GFAP: variants seen among roughly 807,000 people sequenced by gnomAD.
GFAP encodes intermediate filament protein.
Under a neutral mutation model 49.3 loss-of-function variants are expected in GFAP, and 38 were observed. The observed-to-expected ratio is 0.77, with a 90% CI of 0.60 to 1.01. The LOEUF (loss-of-function observed/expected upper bound fraction) is 1.01, where lower values mean the gene tolerates loss of function less well. GFAP is among the 50% of genes least tolerant of loss of function. GFAP has a pLI of 0.00. For missense variants in GFAP, 463 were observed against 579.1 expected, an observed-to-expected ratio of 0.80 and a Z score of 2.06; for synonymous variants, 222 against 236.4, an observed-to-expected ratio of 0.94 and a Z score of 0.56.
At chr17:44,914,708 C>T in intron 1 of GFAP, 1 of 430,816 alleles carries the variant, frequency 2.3e-6, no homozygotes, top group East Asian at 4.7e-5. Flanking sequence ...TAGGTGAGCT[C>T]GCTGCCCACA....
At chr17:44,909,921 C>T (rs1206884582) in intron 7 of GFAP, 2 of 1,414,772 alleles carry the variant, frequency 1.4e-6, no homozygotes, top group South Asian at 1.5e-5. Context: ...CCCAAGGACT[C>T]ACCACCTTTA....
chr17:44,907,706 G>T, intron 8 of GFAP: 1 of 556,582 alleles, frequency 1.8e-6, no homozygotes. Context: ...AGCTGGAAAT[G>T]GAAAGCCCTC....
At chr17:44,911,901 G>T in intron 4 of GFAP, 104 bp from the exon 5 acceptor site, 1 of 1,370,526 alleles carries the variant, frequency 7.3e-7, no homozygotes, top group Non-Finnish European at 1.0e-6. Flanking sequence ...CAGGACGTTG[G>T]CCCTGGCTGG....
chr17:44,910,794 TCCCCAGCAGCCAACG>T, intron 6 of GFAP, 136 bp from the exon 7 acceptor site: 1 of 1,319,864 alleles, frequency 7.6e-7, no homozygotes, highest in Non-Finnish European at 1.0e-6. Flanking sequence ...CCTAGCTTTT[TCCCCAGCAGCCAACG>T]TGCTATCTGG....
In GFAP at chr17:44,913,753, C is replaced by T. The variant is rs148887665; in HGVS notation, c.593G>A (p.Arg198Gln). The change falls in exon 3 of 9, where the codon CGG (arginine) becomes CAG (glutamine). Residue 198 changes from arginine (R) to glutamine (Q), a missense_variant. Physicochemically the swap from Arg to Gln is conservative, Grantham distance 43. Coordinates refer to ENST00000588735, the MANE Select transcript of GFAP (RefSeq NM_002055.5). ...RKIESLEEEI[R>Q]FLRKIHEEEV... Reference sequence around the variant, plus strand: ...CTCCTCGTGGATCTTCCTCAAGAACCGGATCTCCTCCTCCAGCGACTCAAT... The same window carrying T: ...CTCCTCGTGGATCTTCCTCAAGAACTGGATCTCCTCCTCCAGCGACTCAAT... 27 of 1,613,914 alleles carry T rather than the reference C, an allele frequency of 1.7e-5. No homozygotes were observed. The highest frequency in any genetic ancestry group is 5.3e-5 in the African/African-American group (4 of 74,932).
Position 44,911,397 on chromosome 17 carries a change from G to A in GFAP, c.966C>T (p.Ala322=). ...EQEERHVREA[A]SYQEALARLE... is the part of the protein sequence containing the mutation. ...GCCGCGCCAGCGCCTCCTGATAACTGGCCGCCTCCCGCACGTGCCGCTCCT... is the reference window on the plus strand; with the variant it reads ...GCCGCGCCAGCGCCTCCTGATAACTAGCCGCCTCCCGCACGTGCCGCTCCT... The change falls in exon 6 of 9, where the codon GCC becomes GCT. Residue 322 remains alanine, a synonymous_variant. Coordinates refer to ENST00000588735, the MANE Select transcript of GFAP (RefSeq NM_002055.5). 1 of 1,613,796 alleles carries A rather than the reference G, an allele frequency of 6.2e-7. No individual in the cohort carries two copies. Among genetic ancestry groups the A allele is most frequent in the Non-Finnish European group, 8.5e-7 (1 of 1,179,938 alleles).
chr17:44,908,501 A>G (rs28688440), intron 7 of GFAP: 24,053 of 181,044 alleles, frequency 0.13, 1,734 homozygotes, highest in Middle Eastern at 0.19. Context: ...AGGCTGAGGC[A>G]GGTGGATCAC....
In GFAP at chr17:44,910,117, G is replaced by A. The variant is rs770687101; in HGVS notation, c.1171+498C>T. On this transcript the variant is annotated intron_variant, in intron 7 of 8. Transcript: ENST00000588735. ...TCCCTGTCAAGCTGGGCAAAGCGCC[G>A]TGTCTGAGAGGCAGGCAGCTAACCG... 10 of 1,613,802 alleles carry A rather than the reference G, an allele frequency of 6.2e-6. No individual in the cohort carries two copies. In the African/African-American group the frequency reaches 6.7e-5, roughly 11 times the overall value.
chr17:44,914,842 G>A lies in GFAP; in HGVS notation c.461+184C>T, dbSNP rs888737112. The A allele has an allele frequency of 4.7e-5, 29 of 613,402 alleles. No individual in the cohort carries two copies. The African/African-American group carries it at 4.8e-4, about 10-fold the overall frequency. The allele number at this position is 613,402 out of a possible 1,614,324, so 38.0% of individuals were successfully genotyped here. A position where few individuals can be genotyped will look rare whatever the true frequency, so the allele number is the denominator to read the frequency against. On this transcript the variant is annotated intron_variant, in intron 1 of 8. Coordinates refer to ENST00000588735, the MANE Select transcript of GFAP (RefSeq NM_002055.5). ...GAAGGCATGCGGGCATCAGATCCCCGGGGCCCTGGGCCTGTTTCTGGTCCC... is the reference window on the plus strand; with the variant it reads ...GAAGGCATGCGGGCATCAGATCCCCAGGGCCCTGGGCCTGTTTCTGGTCCC...
In GFAP at chr17:44,904,991, A is replaced by G. The variant is rs1223110365; in HGVS notation, c.*2356T>C. The stretch of plus-strand genomic sequence containing the variant: ...GCTCACCCTGATAGGCTACCTGCTC[A>G]TCACAGCAGTCTTTGTCACCATTCA... On this transcript the variant is annotated 3_prime_UTR_variant, in exon 9 of 9. Coordinates refer to ENST00000588735, the MANE Select transcript of GFAP (RefSeq NM_002055.5). The G allele has an allele frequency of 3.2e-6, 5 of 1,550,700 alleles. No individual in the cohort carries two copies. Among genetic ancestry groups the G allele is most frequent in the Admixed American group, 2.0e-5 (1 of 50,984 alleles).
Position 44,904,460 on chromosome 17 carries a change from G to T in GFAP, c.*2887C>A. The T allele has an allele frequency of 6.5e-7, 1 of 1,544,356 alleles. No homozygotes were observed. Among genetic ancestry groups the T allele is most frequent in the South Asian group, 1.2e-5 (1 of 83,732 alleles). ...ACGCTACCTCAAGGCCGTGCCCGATGTGGTGTCTTGTGGCTCAAGGGCTGT... is the reference window on the plus strand; with the variant it reads ...ACGCTACCTCAAGGCCGTGCCCGATTTGGTGTCTTGTGGCTCAAGGGCTGT... On this transcript the variant is annotated 3_prime_UTR_variant, in exon 9 of 9. Coordinates refer to ENST00000588735, the MANE Select transcript of GFAP (RefSeq NM_002055.5).
chr17:44,908,898 AAAGG>A (rs200398557), intron 7 of GFAP: 12,603 of 150,554 alleles, frequency 0.084, 754 homozygotes, highest in East Asian at 0.24. Flanking sequence ...CAGGAAAGAG[AAAGG>A]AAGGAAGGAA....
In GFAP at chr17:44,904,582, G is replaced by A. The variant is rs1471101292; in HGVS notation, c.*2765C>T. The A allele has an allele frequency of 3.2e-6, 5 of 1,550,482 alleles. No individual in the cohort carries two copies. The highest frequency in any genetic ancestry group is 4.4e-6 in the Non-Finnish European group (5 of 1,147,008). ...GTGAGAAGACAAAGACCATCCGGGAGGGCGTGCTGGCCATCATTAACTATG... is the reference window on the plus strand; with the variant it reads ...GTGAGAAGACAAAGACCATCCGGGAAGGCGTGCTGGCCATCATTAACTATG... On this transcript the variant is annotated 3_prime_UTR_variant, in exon 9 of 9. Transcript: ENST00000588735.
At chr17:44,911,098 G>A (rs1446143285) in intron 6 of GFAP, 138 bp downstream of exon 6, 9 of 770,980 alleles carry the variant, frequency 1.2e-5, no homozygotes, top group Non-Finnish European at 2.1e-5. Context: ...TATGTGTGAG[G>A]CAGGCACTGT....
intron 1 of GFAP, chr17:44,914,763 C>G (rs2051867362): frequency 1.8e-6 from 1 of 552,522 alleles, no homozygotes; most frequent in Non-Finnish European, 3.3e-6. Context: ...CCCCGCTGCT[C>G]CTGCACTGCT....
In GFAP at chr17:44,903,610, C is replaced by A; in HGVS notation, c.*3737G>T. The A allele has an allele frequency of 7.1e-7, 1 of 1,405,738 alleles. No homozygotes were observed. Among genetic ancestry groups the A allele is most frequent in the South Asian group, 1.7e-5 (1 of 60,076 alleles). The allele number at this position is 1,405,738 out of a possible 1,614,324, so 87.1% of individuals were successfully genotyped here. On this transcript the variant is annotated 3_prime_UTR_variant, in exon 9 of 9. Coordinates refer to ENST00000588735, the MANE Select transcript of GFAP (RefSeq NM_002055.5). ...TCTAGAATGGCTTTCCCCCCCCACCCTGAGATCAGGTCTGGAATGTTAGAA... is the reference window on the plus strand; with the variant it reads ...TCTAGAATGGCTTTCCCCCCCCACCATGAGATCAGGTCTGGAATGTTAGAA...
intron 7 of GFAP, chr17:44,908,436 A>C: frequency 3.0e-6 from 1 of 335,766 alleles, no homozygotes; most frequent in South Asian, 5.8e-5. Context: ...CGGTATTGAA[A>C]TCAGGAGACC....
rs1294164499 is a variant in GFAP at position 44,903,651 on chromosome 17, C to T, written c.*3696G>A. Reference sequence around the variant, plus strand: ...AATGTTAGAAGGGCATCTTGTACATCCACTGGGAATAAATTGCCTTGCACT... The same window carrying T: ...AATGTTAGAAGGGCATCTTGTACATTCACTGGGAATAAATTGCCTTGCACT... On this transcript the variant is annotated 3_prime_UTR_variant, in exon 9 of 9. Transcript: ENST00000588735. The T allele has an allele frequency of 7.0e-7, 1 of 1,433,140 alleles. No individual in the cohort carries two copies. Among genetic ancestry groups the T allele is most frequent in the Non-Finnish European group, 9.1e-7 (1 of 1,099,836 alleles). The allele number at this position is 1,433,140 out of a possible 1,614,324, so 88.8% of individuals were successfully genotyped here.
chr17:44,903,843 T>C lies in GFAP; in HGVS notation c.*3504A>G. 6.5e-7 allele frequency: 1 copy of C among 1,547,930 alleles called. No individual in the cohort carries two copies. The highest frequency in any genetic ancestry group is 1.2e-5 in the South Asian group (1 of 83,882). ...CCTCCTTCAGGTATGCACCTGGCCC[T>C]CACCACTGTGCTCCTGTGGGCATGG... On this transcript the variant is annotated 3_prime_UTR_variant, in exon 9 of 9. Transcript: ENST00000588735.
Sources: allele counts gnomAD v4.1 joint callset, GRCh38; gene constraint gnomAD v4.1.1; transcripts MANE v1.5; gene names NCBI Gene and HGNC (gene_info 2026-07-23, HGNC 2026-07-21).